The following DLG2 variants were observed in gnomAD, a reference collection of about 807,000 sequenced individuals.
The protein encoded by DLG2 is disks large homolog 2.
In DLG2, 45 loss-of-function variants were observed where a neutral mutation model predicts 132.5. That is an observed-to-expected ratio of 0.34 (90% CI 0.27 to 0.44). The LOEUF is 0.44. DLG2 is among the 20% of genes least tolerant of loss of function. The probability of loss-of-function intolerance (pLI) is 1.00; values close to 1 mark genes in which losing one functional copy is unlikely to be tolerated. For missense variants in DLG2, 1,045 were observed against 1,196.9 expected (o/e 0.87, Z 1.87); for synonymous variants, 424 against 419.6 (o/e 1.01, Z -0.13).
At chr11:85,123,970 T>C (rs1034260674) in intron 5 of DLG2, among the ~76,000 whole-genome samples, 4 of 152,152 alleles carry the variant, frequency 2.6e-5, no homozygotes, top group Non-Finnish European at 5.9e-5. Context: ...GAAATCCCCA[T>C]CACCATGACT....
intron 4 of DLG2, 54 bp downstream of exon 4, chr11:85,285,166 T>C (rs984860342): frequency 6.0e-6 from 9 of 1,493,330 alleles, no homozygotes; most frequent in Non-Finnish European, 8.2e-6. Flanking sequence ...ATTACTTCTT[T>C]AGTGGCCTAA....
At chr11:84,855,048 T>G (rs535809453) in intron 6 of DLG2, among the ~76,000 whole-genome samples, 21 of 152,018 alleles carry the variant, frequency 1.4e-4, no homozygotes, top group Non-Finnish European at 3.1e-4. Flanking sequence ...ACAGGAAGCC[T>G]TGTAGTTCCA....
intron 7 of DLG2, among the ~76,000 whole-genome samples, chr11:84,500,947 A>T (rs572574475): frequency 6.6e-6 from 1 of 152,322 alleles, no homozygotes; most frequent in South Asian, 2.1e-4. Flanking sequence ...CCCTACAATA[A>T]TTCTCACTTA....
chr11:84,222,964 G>A (rs2096936793), intron 8 of DLG2, among the ~76,000 whole-genome samples: 1 of 152,206 alleles, frequency 6.6e-6, no homozygotes, highest in South Asian at 2.1e-4. Flanking sequence ...AACTCATCAT[G>A]TTTGCATAAG....
At chr11:83,780,273 C>T (rs2094760280) in intron 18 of DLG2, among the ~76,000 whole-genome samples, 1 of 152,276 alleles carries the variant, frequency 6.6e-6, no homozygotes, top group Non-Finnish European at 1.5e-5. Context: ...ATTGCATATT[C>T]ATGTCAAGCT....
chr11:83,967,069 T>G (rs544996743), intron 12 of DLG2, among the ~76,000 whole-genome samples: 7 of 152,222 alleles, frequency 4.6e-5, no homozygotes, highest in African/African-American at 1.7e-4. Flanking sequence ...TGGCAGGATC[T>G]CCCATTTTTT....
At chr11:84,317,173 G>C in intron 7 of DLG2, 3 of 1,586,182 alleles carry the variant, frequency 1.9e-6, no homozygotes, top group Non-Finnish European at 2.6e-6. Context: ...TCTTTCCTTT[G>C]GTCAGCTCTG....
intron 6 of DLG2, among the ~76,000 whole-genome samples, chr11:84,760,085 T>C (rs1194465905): frequency 6.6e-6 from 1 of 152,242 alleles, no homozygotes; most frequent in Non-Finnish European, 1.5e-5. Context: ...TGCAGCATTT[T>C]ATAAAACATG....
At chr11:85,244,728 T>C (rs888865986) in intron 4 of DLG2, among the ~76,000 whole-genome samples, 1 of 151,972 alleles carries the variant, frequency 6.6e-6, no homozygotes, top group Non-Finnish European at 1.5e-5. Context: ...AGAGATAAAA[T>C]GAGTAAGTGC....
intron 6 of DLG2, among the ~76,000 whole-genome samples, chr11:85,060,419 G>A (rs957379513): frequency 2.0e-5 from 3 of 149,810 alleles, no homozygotes; most frequent in Non-Finnish European, 4.5e-5. Flanking sequence ...ATATGTGTGT[G>A]TATATATATG....
intron 16 of DLG2, among the ~76,000 whole-genome samples, chr11:83,851,647 C>G (rs558749726): frequency 3.4e-5 from 5 of 149,128 alleles, no homozygotes; most frequent in African/African-American, 1.2e-4. Flanking sequence ...AAAGGCGGGG[C>G]GTGGTGGCTC....
At chr11:85,177,263 T>A (rs1199370585) in intron 4 of DLG2, among the ~76,000 whole-genome samples, 1 of 137,058 alleles carries the variant, frequency 7.3e-6, no homozygotes, top group African/African-American at 3.0e-5. Flanking sequence ...GTATATGTAT[T>A]TATATATATA....
chr11:84,879,110 A>ATCTGGTT (rs1427470940), intron 6 of DLG2, among the ~76,000 whole-genome samples: 1 of 152,104 alleles, frequency 6.6e-6, no homozygotes, highest in Admixed American at 6.6e-5. Flanking sequence ...CAGGCTGTAC[A>ATCTGGTT]TCTGGTTTCT....
chr11:83,762,958 A>T (rs867773071), intron 18 of DLG2, among the ~76,000 whole-genome samples: 2 of 152,144 alleles, frequency 1.3e-5, no homozygotes, highest in African/African-American at 4.8e-5. Context: ...GTTTCAAGCA[A>T]GTAGTTGTTT....
At chr11:85,471,460 G>A (rs1265437657) in intron 3 of DLG2, among the ~76,000 whole-genome samples, 1 of 152,058 alleles carries the variant, frequency 6.6e-6, no homozygotes, top group Non-Finnish European at 1.5e-5. Context: ...GTATTTAAAT[G>A]TTTTTAAAAG....
intron 12 of DLG2, among the ~76,000 whole-genome samples, chr11:83,976,150 T>C (rs1358702391): frequency 2.6e-5 from 4 of 152,082 alleles, no homozygotes; most frequent in Non-Finnish European, 4.4e-5. Flanking sequence ...AAAAGAGTTA[T>C]TGTTATTACT....
At chr11:83,895,439 C>T (rs988441648) in intron 15 of DLG2, among the ~76,000 whole-genome samples, 3 of 152,234 alleles carry the variant, frequency 2.0e-5, no homozygotes, top group African/African-American at 4.8e-5. Context: ...GGATTACAGG[C>T]GTGAGCCACC....
chr11:84,608,927 T>G (rs1030835343), intron 6 of DLG2, among the ~76,000 whole-genome samples: 3 of 152,130 alleles, frequency 2.0e-5, no homozygotes, highest in Admixed American at 6.5e-5. Context: ...TAAATTCAAA[T>G]AGAAAGAGGG....
chr11:85,104,772 C>G (rs1299356884), intron 6 of DLG2, among the ~76,000 whole-genome samples: 1 of 142,480 alleles, frequency 7.0e-6, no homozygotes, highest in Non-Finnish European at 1.5e-5. Flanking sequence ...TGATGGAAAA[C>G]AACAATAAGA....
Sources: allele counts gnomAD v4.1 joint callset (sites outside exome capture counted in the v4.1 genomes callset), GRCh38; gene constraint gnomAD v4.1.1; transcripts MANE v1.5; gene names NCBI Gene and HGNC (gene_info 2026-07-23, HGNC 2026-07-21).